EDIL3: variants seen among roughly 807,000 people sequenced by gnomAD.
EDIL3 encodes the protein EGF like and discoidin domains 3, also known as EGF-like repeat and discoidin I-like domain-containing protein 3.
EDIL3 carries 37 observed loss-of-function variants against 67.4 expected under a neutral mutation model. The observed-to-expected ratio is 0.55, with a 90% CI of 0.42 to 0.72. The LOEUF (loss-of-function observed/expected upper bound fraction) is 0.72, where lower values mean the gene tolerates loss of function less well. Among genes scored for constraint, EDIL3 ranks in the 30% least tolerant of loss-of-function variants. The pLI, the probability that EDIL3 is intolerant of heterozygous loss-of-function variation, is 0.00. For synonymous variants in EDIL3, 195 were observed against 196.3 expected (o/e 0.99, Z 0.05); for missense variants, 527 against 586.3 (o/e 0.90, Z 1.04).
intron 4 of EDIL3, among the ~76,000 whole-genome samples, chr5:84,166,229 C>T (rs1429491899): frequency 6.6e-6 from 1 of 152,122 alleles, no homozygotes; most frequent in Admixed American, 6.6e-5. Context: ...AGATGAGGTA[C>T]CGTGTTCCTC....
intron 1 of EDIL3, among the ~76,000 whole-genome samples, chr5:84,351,339 T>C (rs957792643): frequency 4.6e-5 from 7 of 152,138 alleles, no homozygotes; most frequent in Non-Finnish European, 1.0e-4. Context: ...AGACCTCTCA[T>C]TGAAAAACAC....
In EDIL3 at chr5:84,069,666, T is replaced by C. The variant is rs145826907; in HGVS notation, c.652-3060A>G. ...TTGAGAAGTGTATTATAAAAGCCGATAATCATAACGATATGGGGTGGCGAC... is the reference window on the plus strand; with the variant it reads ...TTGAGAAGTGTATTATAAAAGCCGACAATCATAACGATATGGGGTGGCGAC... On this transcript the variant is annotated intron_variant, in intron 6 of 10. Transcript: ENST00000296591. 2.2e-4 allele frequency among the ~76,000 whole-genome samples: 33 copies of C among 152,206 alleles called. 2 individuals carry two copies. Among genetic ancestry groups the C allele is most frequent in the African/African-American group, 6.7e-4 (28 of 41,526 alleles).
intron 6 of EDIL3, among the ~76,000 whole-genome samples, chr5:84,090,191 G>A (rs988998082): frequency 2.6e-5 from 4 of 152,172 alleles, no homozygotes; most frequent in African/African-American, 7.2e-5. Context: ...TTCCACCTAA[G>A]GATGTCACTA....
chr5:84,026,695 C>T (rs186338030), intron 9 of EDIL3, among the ~76,000 whole-genome samples: 14 of 152,206 alleles, frequency 9.2e-5, no homozygotes, highest in African/African-American at 3.1e-4. Context: ...TAATTTTCAC[C>T]GTGAACTAAA....
intron 2 of EDIL3, among the ~76,000 whole-genome samples, chr5:84,239,685 G>A (rs1377055278): frequency 6.6e-6 from 1 of 152,180 alleles, no homozygotes; most frequent in Non-Finnish European, 1.5e-5. Flanking sequence ...TGAGTCAAGG[G>A]AGAATATAAC....
chr5:83,957,597 T>C (rs1376835746), intron 10 of EDIL3, among the ~76,000 whole-genome samples: 2 of 151,648 alleles, frequency 1.3e-5, no homozygotes, highest in Non-Finnish European at 2.9e-5. Flanking sequence ...TGGGGACTGA[T>C]GATATTGCTG....
At chr5:84,069,111 A>C (rs1200768978) in intron 6 of EDIL3, among the ~76,000 whole-genome samples, 1 of 152,194 alleles carries the variant, frequency 6.6e-6, no homozygotes, top group East Asian at 1.9e-4. Flanking sequence ...TGCCTAAATT[A>C]TTCTCTATGA....
chr5:84,098,340 T>A (rs1747303344), intron 6 of EDIL3, among the ~76,000 whole-genome samples: 1 of 152,118 alleles, frequency 6.6e-6, no homozygotes, highest in African/African-American at 2.4e-5. Context: ...TTAAGCGAAG[T>A]ACTCAAAGGT....
intron 1 of EDIL3, among the ~76,000 whole-genome samples, chr5:84,377,323 A>T (rs1747989179): frequency 6.6e-6 from 1 of 152,086 alleles, no homozygotes; most frequent in African/African-American, 2.4e-5. Context: ...AAAAAAAAAA[A>T]AAAGAGTGAA....
At chr5:84,280,456 T>C (rs1018226054) in intron 1 of EDIL3, among the ~76,000 whole-genome samples, 5 of 152,326 alleles carry the variant, frequency 3.3e-5, no homozygotes, top group East Asian at 1.9e-4. Flanking sequence ...TTATGGCTAT[T>C]AAGTATGATG....
intron 3 of EDIL3, among the ~76,000 whole-genome samples, chr5:84,190,932 T>C (rs1311923427): frequency 6.6e-6 from 1 of 151,944 alleles, no homozygotes; most frequent in Non-Finnish European, 1.5e-5. Flanking sequence ...TATTGTTTCA[T>C]AAATGTGTGA....
intron 1 of EDIL3, among the ~76,000 whole-genome samples, chr5:84,318,686 C>T (rs1024485385): frequency 2.0e-5 from 3 of 152,122 alleles, no homozygotes; most frequent in Non-Finnish European, 1.5e-5. Context: ...AAATGTAAGA[C>T]CTAAAACCAT....
chr5:84,208,204 G>A (rs1266552864), intron 3 of EDIL3, among the ~76,000 whole-genome samples: 1 of 151,880 alleles, frequency 6.6e-6, no homozygotes, highest in South Asian at 2.1e-4. Flanking sequence ...TTTACAAGAA[G>A]AAAACAAACA....
intron 4 of EDIL3, among the ~76,000 whole-genome samples, chr5:84,176,198 AATATATATATATATAT>A (rs561062432): frequency 2.6e-5 from 2 of 77,268 alleles, no homozygotes; most frequent in African/African-American, 7.3e-5. Flanking sequence ...ATATATATAT[AATATATATATATATAT>A]ATATATATAT....
At chr5:84,183,050 C>T (rs1451857179) in intron 3 of EDIL3, among the ~76,000 whole-genome samples, 1 of 152,144 alleles carries the variant, frequency 6.6e-6, no homozygotes, top group East Asian at 1.9e-4. Flanking sequence ...CTCTCCTTCT[C>T]CTCTCTCTGT....
intron 2 of EDIL3, among the ~76,000 whole-genome samples, chr5:84,245,621 A>T (rs1744893514): frequency 6.6e-6 from 1 of 152,170 alleles, no homozygotes; most frequent in South Asian, 2.1e-4. Flanking sequence ...AGAATGAAAG[A>T]TTGTAAAGAT....
At chr5:84,015,412 A>G (rs1745585576) in intron 9 of EDIL3, among the ~76,000 whole-genome samples, 2 of 152,190 alleles carry the variant, frequency 1.3e-5, no homozygotes, top group African/African-American at 4.8e-5. Context: ...TCATTCTGCA[A>G]TTTATTTGTA....
At chr5:84,304,164 A>C (rs1381207676) in intron 1 of EDIL3, among the ~76,000 whole-genome samples, 1 of 152,232 alleles carries the variant, frequency 6.6e-6, no homozygotes, top group Non-Finnish European at 1.5e-5. Context: ...TAAATAATAT[A>C]GCTCATCCTA....
chr5:84,146,360 T>G (rs1748289661), intron 4 of EDIL3, among the ~76,000 whole-genome samples: 1 of 152,124 alleles, frequency 6.6e-6, no homozygotes. Context: ...CCAGAATCTA[T>G]GCTAATCACC....
Sources: allele counts gnomAD v4.1 joint callset (sites outside exome capture counted in the v4.1 genomes callset), GRCh38; gene constraint gnomAD v4.1.1; transcripts MANE v1.5; gene names NCBI Gene and HGNC (gene_info 2026-07-23, HGNC 2026-07-21).